ALK: variants seen among roughly 807,000 people sequenced by gnomAD.
The protein encoded by ALK is ALK receptor tyrosine kinase, also known as ALK tyrosine kinase receptor.
A neutral mutation model predicts 163.1 loss-of-function variants in ALK; 74 were observed. The ratio of observed to expected loss-of-function variants is 0.45; its 90% CI spans 0.38 to 0.55. ALK has a LOEUF of 0.55. Among genes scored for constraint, ALK ranks in the 20% least tolerant of loss-of-function variants. The probability of loss-of-function intolerance (pLI) is 0.00; values close to 1 mark genes in which losing one functional copy is unlikely to be tolerated. For missense variants in ALK, 2,063 were observed against 2,105.3 expected, an observed-to-expected ratio of 0.98 and a Z score of 0.39; for synonymous variants, 960 against 843.2, an observed-to-expected ratio of 1.14 and a Z score of -2.40.
At chr2:29,878,096 TA>T (rs1666768577) in intron 1 of ALK, among the ~76,000 whole-genome samples, 1 of 152,182 alleles carries the variant, frequency 6.6e-6, no homozygotes, top group South Asian at 2.1e-4. Context: ...TTGTACAAGA[TA>T]AAAAGCTACC....
chr2:29,400,723 C>T (rs532212473), intron 4 of ALK, among the ~76,000 whole-genome samples: 29 of 152,258 alleles, frequency 1.9e-4, no homozygotes, highest in African/African-American at 6.5e-4. Flanking sequence ...GCCTGTGGTC[C>T]GGGTACCTTG....
chr2:29,382,833 C>T (rs75196003), intron 5 of ALK, among the ~76,000 whole-genome samples: 2,558 of 152,284 alleles, frequency 0.017, 65 homozygotes, highest in African/African-American at 0.059. Context: ...CACACATAAA[C>T]CAGTTTTGAT....
At chr2:29,578,078 T>A (rs985067541) in intron 3 of ALK, among the ~76,000 whole-genome samples, 1 of 151,674 alleles carries the variant, frequency 6.6e-6, no homozygotes, top group Non-Finnish European at 1.5e-5. Context: ...AATTCCCACG[T>A]GTTATGGGAG....
chr2:29,371,518 C>A (rs1668636840), intron 5 of ALK, among the ~76,000 whole-genome samples: 1 of 152,148 alleles, frequency 6.6e-6, no homozygotes. Flanking sequence ...CCTTGCTTAC[C>A]TCTCCCCACC....
intron 4 of ALK, among the ~76,000 whole-genome samples, chr2:29,515,883 G>A (rs1325593555): frequency 6.6e-6 from 1 of 152,216 alleles, no homozygotes; most frequent in Non-Finnish European, 1.5e-5. Flanking sequence ...TTCAATTAGA[G>A]GAAGATGTTT....
rs188126003 is a variant in ALK, at chr2:29,245,618, G to T, written c.2204+5487C>A. Among the ~76,000 whole-genome samples, 941 of 143,050 alleles carry T rather than the reference G, an allele frequency of 6.6e-3. 2 individuals carry two copies. The highest frequency in any genetic ancestry group is 0.011 in the Admixed American group (159 of 14,350). The allele number at this position is 143,050 out of a possible 152,430, so 93.8% of individuals were successfully genotyped here. A position where few individuals can be genotyped will look rare whatever the true frequency, so the allele number is the denominator to read the frequency against. Reference sequence around the variant, plus strand: ...ATGGCTCAGTGCCCTGCACACAGTAGGGGCTTTATGGCTCAGTGCCCTGCA... The same window carrying T: ...ATGGCTCAGTGCCCTGCACACAGTATGGGCTTTATGGCTCAGTGCCCTGCA... On this transcript the variant is annotated intron_variant, in intron 12 of 28. Transcript: ENST00000389048.
At chr2:29,446,098 CAAAAAAAAA>C (rs60360983) in intron 4 of ALK, among the ~76,000 whole-genome samples, 1 of 17,210 alleles carries the variant, frequency 5.8e-5, no homozygotes, top group Non-Finnish European at 1.1e-4. Flanking sequence ...GACTCCGTCT[CAAAAAAAAA>C]AAAAAAAAAA....
intron 4 of ALK, among the ~76,000 whole-genome samples, chr2:29,454,540 T>C (rs1314798531): frequency 6.6e-6 from 1 of 152,180 alleles, no homozygotes; most frequent in Non-Finnish European, 1.5e-5. Flanking sequence ...TCTGATTGTA[T>C]ATGCTGTGCT....
intron 23 of ALK, among the ~76,000 whole-genome samples, chr2:29,215,985 A>G (rs1669593535): frequency 6.6e-6 from 1 of 152,164 alleles, no homozygotes; most frequent in African/African-American, 2.4e-5. Flanking sequence ...GGGTTTCCAC[A>G]TGGGAGACCA....
chr2:29,755,865 T>C (rs913481126), intron 1 of ALK, among the ~76,000 whole-genome samples: 2 of 152,230 alleles, frequency 1.3e-5, no homozygotes, highest in South Asian at 2.1e-4. Context: ...CACCCATCCA[T>C]CCATCAGTCT....
At chr2:29,339,581 G>A (rs1043090386) in intron 5 of ALK, among the ~76,000 whole-genome samples, 1 of 152,226 alleles carries the variant, frequency 6.6e-6, no homozygotes, top group Non-Finnish European at 1.5e-5. Context: ...CATTCTGAGT[G>A]ATTCCGGAAG....
At chr2:29,273,451 G>A (rs962917708) in intron 11 of ALK, among the ~76,000 whole-genome samples, 1 of 152,248 alleles carries the variant, frequency 6.6e-6, no homozygotes, top group Non-Finnish European at 1.5e-5. Flanking sequence ...ATCGCCACGT[G>A]TGAGCCACTG....
At chr2:29,777,437 G>T (rs1681206966) in intron 1 of ALK, among the ~76,000 whole-genome samples, 2 of 152,066 alleles carry the variant, frequency 1.3e-5, no homozygotes, top group South Asian at 4.2e-4. Flanking sequence ...TGAAGTTTGT[G>T]CAGACCTTCT....
At chr2:29,270,633 C>T (rs1665358561) in intron 11 of ALK, among the ~76,000 whole-genome samples, 1 of 152,184 alleles carries the variant, frequency 6.6e-6, no homozygotes, top group Admixed American at 6.5e-5. Context: ...ACAAGCAGCA[C>T]TTGCAGACAC....
At chr2:29,505,993 G>A (rs1313715870) in intron 4 of ALK, among the ~76,000 whole-genome samples, 1 of 152,078 alleles carries the variant, frequency 6.6e-6, no homozygotes, top group Non-Finnish European at 1.5e-5. Context: ...ACAGATTTGC[G>A]GCTAGCTCTT....
At chr2:29,782,795 G>A (rs921478076) in intron 1 of ALK, among the ~76,000 whole-genome samples, 2 of 152,158 alleles carry the variant, frequency 1.3e-5, no homozygotes, top group Non-Finnish European at 2.9e-5. Context: ...AGCCTTCTGT[G>A]TGCCTCTGCC....
At chr2:29,569,274 T>C (rs1312874705) in intron 3 of ALK, among the ~76,000 whole-genome samples, 3 of 139,638 alleles carry the variant, frequency 2.1e-5, no homozygotes, top group African/African-American at 8.0e-5. Context: ...CCTGACTTTC[T>C]ATAATTACAG....
intron 1 of ALK, among the ~76,000 whole-genome samples, chr2:29,739,240 TAAAAAAAAAAA>T (rs57381961): frequency 1.7e-4 from 7 of 40,334 alleles, no homozygotes; most frequent in Non-Finnish European, 2.5e-4. Context: ...CAGTCTCTCT[TAAAAAAAAAAA>T]AAAAAAAAAA....
chr2:29,652,156 C>T (rs13385172), intron 3 of ALK, among the ~76,000 whole-genome samples: 3 of 152,234 alleles, frequency 2.0e-5, no homozygotes, highest in African/African-American at 7.2e-5. Context: ...ACTATTTCAT[C>T]TATATTTTTT....
Sources: allele counts gnomAD v4.1 joint callset (sites outside exome capture counted in the v4.1 genomes callset), GRCh38; gene constraint gnomAD v4.1.1; transcripts MANE v1.5; gene names NCBI Gene and HGNC (gene_info 2026-07-23, HGNC 2026-07-21).